Variants in DAAM1 observed in about 807,000 individuals in gnomAD.
The protein encoded by DAAM1 is dishevelled associated activator of morphogenesis 1, also known as disheveled-associated activator of morphogenesis 1.
In DAAM1, 52 loss-of-function variants were observed where a neutral mutation model predicts 130.0. That is an observed-to-expected ratio of 0.40 (90% CI 0.32 to 0.50). DAAM1 has a LOEUF of 0.50. Among genes scored for constraint, DAAM1 ranks in the 20% least tolerant of loss-of-function variants. The probability of loss-of-function intolerance (pLI) is 0.61; values close to 1 mark genes in which losing one functional copy is unlikely to be tolerated. For synonymous variants in DAAM1, 452 were observed against 444.5 expected (o/e 1.02, Z -0.21); for missense variants, 1,134 against 1,303.8 (o/e 0.87, Z 2.01).
chr14:59,368,849 TTAATTTC>T lies in DAAM1; in HGVS notation c.3204_*3del. ...AGCAGAGAGAGACCAATCACAAAAC[TTAATTTC>T]TAATTTTCCATGAATACTTTTTTTT... On this transcript the variant is annotated frameshift_variant, in exon 25 of 25. Coordinates refer to ENST00000360909, the MANE Select transcript of DAAM1 (RefSeq NM_001270520.2). LOFTEE classifies it high-confidence loss of function. 6.2e-7 allele frequency: 1 copy of T among 1,613,028 alleles called. No individual in the cohort carries two copies.
intron 1 of DAAM1, among the ~76,000 whole-genome samples, chr14:59,193,708 C>G (rs566294998): frequency 6.6e-6 from 1 of 152,128 alleles, no homozygotes; most frequent in African/African-American, 2.4e-5. Flanking sequence ...GATGTTTAAG[C>G]GTTCCTGGTT....
intron 1 of DAAM1, among the ~76,000 whole-genome samples, chr14:59,253,389 A>G (rs1224664240): frequency 6.6e-6 from 1 of 152,188 alleles, no homozygotes; most frequent in Non-Finnish European, 1.5e-5. Flanking sequence ...GAGTGAGGCT[A>G]ATTTTAACCA....
intron 1 of DAAM1, among the ~76,000 whole-genome samples, chr14:59,206,477 G>A (rs763082555): frequency 6.6e-6 from 1 of 152,012 alleles, no homozygotes; most frequent in Admixed American, 6.6e-5. Flanking sequence ...GGGTTTTACC[G>A]TGTTAGCCAG....
At chr14:59,260,242 T>C (rs957320979) in intron 1 of DAAM1, among the ~76,000 whole-genome samples, 4 of 152,220 alleles carry the variant, frequency 2.6e-5, no homozygotes, top group Non-Finnish European at 5.9e-5. Context: ...CCCCCTCTAA[T>C]ATAAGCAGAT....
intron 5 of DAAM1, among the ~76,000 whole-genome samples, chr14:59,320,935 T>C (rs1204833957): frequency 6.6e-6 from 1 of 152,156 alleles, no homozygotes; most frequent in Non-Finnish European, 1.5e-5. Context: ...AGTGTTGCCA[T>C]ATGACTCAAT....
chr14:59,336,151 C>T (rs1176064182), intron 15 of DAAM1, among the ~76,000 whole-genome samples: 3 of 151,548 alleles, frequency 2.0e-5, no homozygotes, highest in Non-Finnish European at 2.9e-5. Context: ...TAATTTTTAC[C>T]AGATTTACAA....
At chr14:59,246,816 G>A (rs1326569014) in intron 1 of DAAM1, among the ~76,000 whole-genome samples, 3 of 152,122 alleles carry the variant, frequency 2.0e-5, no homozygotes, top group Non-Finnish European at 4.4e-5. Flanking sequence ...AATGCTGAGT[G>A]TCTTTTTATA....
Position 59,263,588 on chromosome 14 carries a change from G to A in DAAM1, c.111G>A (p.Ala37=), listed in dbSNP as rs563858874. ...TYRLRNDSNF[A]LQTMEPALPM... is the part of the protein sequence containing the mutation. ...GGCTGCGAAATGATAGCAACTTTGCGCTTCAGACCATGGAACCAGCATTGC... is the reference window on the plus strand; with the variant it reads ...GGCTGCGAAATGATAGCAACTTTGCACTTCAGACCATGGAACCAGCATTGC... Residue 37 remains alanine, a synonymous_variant, in exon 2 of 25, where the codon GCG becomes GCA. Transcript: ENST00000360909. 440 of 1,614,168 alleles carry A rather than the reference G, an allele frequency of 2.7e-4. 8 individuals carry two copies. The South Asian group carries it at 3.6e-3, about 13-fold the overall frequency.
rs141992027 is a variant in DAAM1, at chr14:59,214,622, C to T, written c.-38+25854C>T. 1.3e-3 allele frequency among the ~76,000 whole-genome samples: 203 copies of T among 152,236 alleles called. 1 individual carries two copies. Among genetic ancestry groups the T allele is most frequent in the Non-Finnish European group, 2.5e-3 (168 of 68,000 alleles). ...GTAATATGTGGTCTTTTTTGATTGACGTCTCTCATCTAGTTTAATGTTTTC... is the reference window on the plus strand; with the variant it reads ...GTAATATGTGGTCTTTTTTGATTGATGTCTCTCATCTAGTTTAATGTTTTC... On this transcript the variant is annotated intron_variant, in intron 1 of 24. Coordinates refer to ENST00000360909, the MANE Select transcript of DAAM1 (RefSeq NM_001270520.2).
At chr14:59,323,469 A>G (rs1372500032) in intron 6 of DAAM1, among the ~76,000 whole-genome samples, 1 of 152,142 alleles carries the variant, frequency 6.6e-6, no homozygotes, top group Non-Finnish European at 1.5e-5. Context: ...TGCATCCTAT[A>G]TGTCATATAG....
At position 59,367,617 on chromosome 14, in the gene DAAM1, T is replaced by C. The variant is rs745517774; in HGVS notation, c.2997+18T>C. 5 of 1,607,838 alleles carry C rather than the reference T, an allele frequency of 3.1e-6. No homozygotes were observed. In the South Asian group the frequency reaches 5.5e-5, roughly 18 times the overall value. On this transcript the variant is annotated intron_variant, in intron 24 of 24. Coordinates refer to ENST00000360909, the MANE Select transcript of DAAM1 (RefSeq NM_001270520.2). ...AAGCTCAGGTGAGAGGATGATTAAT[T>C]GACCAATTCCACCTCCTAGAAGTTC...
intron 1 of DAAM1, among the ~76,000 whole-genome samples, chr14:59,205,096 A>G (rs1182921896): frequency 6.6e-6 from 1 of 152,238 alleles, no homozygotes; most frequent in African/African-American, 2.4e-5. Context: ...TAGTATGAGA[A>G]TCCTCCATGT....
At chr14:59,261,113 A>G (rs2139501658) in intron 1 of DAAM1, among the ~76,000 whole-genome samples, 1 of 152,274 alleles carries the variant, frequency 6.6e-6, no homozygotes. Flanking sequence ...AGCACAGTCT[A>G]TACTATACCA....
At chr14:59,275,238 C>T (rs1566679611) in intron 2 of DAAM1, among the ~76,000 whole-genome samples, 1 of 152,114 alleles carries the variant, frequency 6.6e-6, no homozygotes, top group Non-Finnish European at 1.5e-5. Flanking sequence ...GGAAAACATG[C>T]TTAGAAATTC....
At chr14:59,285,396 G>C (rs955893656) in intron 2 of DAAM1, among the ~76,000 whole-genome samples, 1 of 152,074 alleles carries the variant, frequency 6.6e-6, no homozygotes. Context: ...ATAACAACCA[G>C]CTAACGGCAC....
intron 2 of DAAM1, among the ~76,000 whole-genome samples, chr14:59,287,260 AT>A (rs1254783124): frequency 4.6e-5 from 7 of 152,220 alleles, no homozygotes; most frequent in Admixed American, 2.0e-4. Flanking sequence ...TCTTCAACAA[AT>A]TAGGCATCAA....
At chr14:59,351,271 T>C (rs1886283773) in intron 17 of DAAM1, among the ~76,000 whole-genome samples, 1 of 152,188 alleles carries the variant, frequency 6.6e-6, no homozygotes, top group African/African-American at 2.4e-5. Context: ...CTCACCTAGA[T>C]TACTTACTAT....
At chr14:59,240,739 T>TA (rs1180871194) in intron 1 of DAAM1, among the ~76,000 whole-genome samples, 6 of 152,268 alleles carry the variant, frequency 3.9e-5, no homozygotes, top group Non-Finnish European at 8.8e-5. Context: ...TCCAGCCACA[T>TA]AAAGATCTCT....
intron 23 of DAAM1, 75 bp downstream of exon 23, chr14:59,363,857 T>C (rs532377210): frequency 1.9e-6 from 3 of 1,580,320 alleles, no homozygotes; most frequent in East Asian, 4.5e-5. Context: ...GTTATTATTC[T>C]GTACGGGAAA....
Sources: gnomAD v4.1 joint callset for allele counts (sites outside exome capture counted in the v4.1 genomes callset) on GRCh38, gnomAD v4.1.1 for gene constraint, MANE v1.5 for transcripts, NCBI Gene and HGNC (gene_info 2026-07-23, HGNC 2026-07-21) for gene names.